Variants in PAGE1 observed in about 807,000 individuals in gnomAD.
PAGE1 encodes the protein P antigen family member 1.
In PAGE1, 6 loss-of-function variants were observed where a neutral mutation model predicts 11.5. The ratio of observed to expected loss-of-function variants is 0.52; its 90% CI spans 0.29 to 1.03. PAGE1 has a LOEUF of 1.03. Ranked by LOEUF, PAGE1 falls within the 50% of genes least tolerant of loss-of-function variation. PAGE1 has a pLI of 0.09. For missense variants in PAGE1, 120 were observed against 110.2 expected, an observed-to-expected ratio of 1.09 and a Z score of -0.40; for synonymous variants, 42 against 40.2, an observed-to-expected ratio of 1.05 and a Z score of -0.17.
In PAGE1 at chrX:49,694,111, A is replaced by C; in HGVS notation, c.154T>G (p.Ser52Ala). ...CCTTTCCCTTCACCTTGAGCTGCAG[A>C]TGCTCCCTCATCCTCTCTCTCTTCA... ...PAEEREDEGA[S>A]AAQGQEPEAD... Residue 52 changes from serine (S) to alanine (A), a missense_variant, in exon 3 of 6, where the codon TCT becomes GCT. Transcript: ENST00000376150. 8.4e-7 allele frequency: 1 copy of C among 1,186,920 alleles called. No individual in the cohort carries two copies. Among genetic ancestry groups the C allele is most frequent in the Non-Finnish European group, 1.1e-6 (1 of 877,844 alleles).
chrX:49,691,463 T>C, intron 3 of PAGE1, 89 bp from the exon 4 acceptor site: 2 of 756,645 alleles, frequency 2.6e-6, no homozygotes, highest in South Asian at 7.8e-5. Flanking sequence ...TCTTATTAAA[T>C]AAAAGCTTTA....
intron 4 of PAGE1, among the ~76,000 whole-genome samples, 179 bp downstream of exon 4, chrX:49,691,070 C>T (rs2066918636): frequency 9.0e-6 from 1 of 110,847 alleles, no homozygotes; most frequent in Non-Finnish European, 1.9e-5. Flanking sequence ...CCTAGCTGCT[C>T]GGGAGGCTGA....
At chrX:49,694,580 T>G in intron 2 of PAGE1, 128 bp downstream of exon 2, 1 of 414,871 alleles carries the variant, frequency 2.4e-6, no homozygotes, top group Non-Finnish European at 4.1e-6. Context: ...TCTTATTTTT[T>G]TAATCAGCAT....
intron 3 of PAGE1, among the ~76,000 whole-genome samples, chrX:49,693,785 C>A (rs112022639): frequency 0.026 from 2,934 of 110,976 alleles, 58 homozygotes; most frequent in African/African-American, 0.07. Context: ...GGTAGGAAGA[C>A]ACAAACTTTG....
chrX:49,687,530 C>T lies in PAGE1; in HGVS notation c.*11G>A, dbSNP rs782744219. On this transcript the variant is annotated 3_prime_UTR_variant, in exon 6 of 6. Coordinates refer to ENST00000376150, the MANE Select transcript of PAGE1 (RefSeq NM_003785.4). Reference sequence around the variant, plus strand: ...ACAGGAGCAGCCTGAACCATTTCAGCGTGTCTTCTTTTAAGGCTGTGATTG... The same window carrying T: ...ACAGGAGCAGCCTGAACCATTTCAGTGTGTCTTCTTTTAAGGCTGTGATTG... The T allele has an allele frequency of 2.5e-6, 3 of 1,202,244 alleles. No homozygotes were observed. The highest frequency in any genetic ancestry group is 3.0e-5 in the East Asian group (1 of 33,590).
In PAGE1 at chrX:49,689,453, A is replaced by G. The variant is rs112206916; in HGVS notation, c.383T>C (p.Leu128Pro). 3,641 of 1,080,006 alleles carry G rather than the reference A, an allele frequency of 3.4e-3. 86 individuals carry two copies. The African/African-American group carries it at 0.068, about 20-fold the overall frequency. The allele number at this position is 1,080,006 out of a possible 1,213,427, so 89.0% of individuals were successfully genotyped here. A position where few individuals can be genotyped will look rare whatever the true frequency, so the allele number is the denominator to read the frequency against. Reference sequence around the variant, plus strand: ...TGTTTTCACCTCCTCTGGATTTGGCAGGCCCAACTCCTGGACATCAGGACC... The same window carrying G: ...TGTTTTCACCTCCTCTGGATTTGGCGGGCCCAACTCCTGGACATCAGGACC... ...GDGPDVQELG[L>P]PNPEEVKTPE... The change falls in exon 5 of 6, where the codon CTG becomes CCG. Residue 128 changes from leucine (L) to proline (P), a missense_variant. Transcript: ENST00000376150.
At chrX:49,690,112 CATAT>C (rs1164264874) in intron 4 of PAGE1, among the ~76,000 whole-genome samples, 2 of 66,170 alleles carry the variant, frequency 3.0e-5, no homozygotes, top group African/African-American at 7.4e-5. Context: ...TATATATACA[CATAT>C]ATATGTGTAT....
At chrX:49,689,159 G>T (rs782252150) in intron 5 of PAGE1, among the ~76,000 whole-genome samples, 1 of 109,439 alleles carries the variant, frequency 9.1e-6, no homozygotes, top group Non-Finnish European at 1.9e-5. Context: ...TATGCAAAAT[G>T]GCAAAACCTC....
intron 2 of PAGE1, among the ~76,000 whole-genome samples, chrX:49,694,441 A>T (rs1557142607): frequency 9.0e-6 from 1 of 111,441 alleles, no homozygotes; most frequent in East Asian, 2.8e-4. Flanking sequence ...TCTATGTTGG[A>T]ATAGATGTGT....
rs191900586 is a variant in PAGE1 at position 49,693,960 on chromosome X, T to C, written c.166+139A>G. 20 of 374,924 alleles carry C rather than the reference T, an allele frequency of 5.3e-5. No homozygotes were observed. In the East Asian group the frequency reaches 9.3e-4, roughly 17 times the overall value. 30.9% of individuals were successfully genotyped at this position (374,924 alleles called of 1,213,427 possible). Reference sequence around the variant, plus strand: ...ATACCCTCTTCACTTTTCCAGTCAATTTCTAGGCATCGTTTGCATGGCTTT... The same window carrying C: ...ATACCCTCTTCACTTTTCCAGTCAACTTCTAGGCATCGTTTGCATGGCTTT... On this transcript the variant is annotated intron_variant, in intron 3 of 5. Coordinates refer to ENST00000376150, the MANE Select transcript of PAGE1 (RefSeq NM_003785.4).
At position 49,689,796 on chromosome X, in the gene PAGE1, GTA is replaced by G. The variant is rs782621494; in HGVS notation, c.293-255_293-254del. ...TGTGTATATATACACACATATATAT[GTA>G]TATATATGTGTATATACACACATAT... On this transcript the variant is annotated intron_variant, in intron 4 of 5. Transcript: ENST00000376150. Among the ~76,000 whole-genome samples, 61 of 58,149 alleles carry G rather than the reference GTA, an allele frequency of 1.0e-3. 2 individuals are homozygous for G. The highest frequency in any genetic ancestry group is 1.3e-3 in the Non-Finnish European group (45 of 34,793). 50.5% of individuals were successfully genotyped at this position (58,149 alleles called of 115,157 possible).
At chrX:49,693,748 A>G (rs1432978346) in intron 3 of PAGE1, among the ~76,000 whole-genome samples, 1 of 111,151 alleles carries the variant, frequency 9.0e-6, no homozygotes, top group Admixed American at 9.7e-5. Flanking sequence ...CAGCAAAATC[A>G]TTTACTATTG....
intron 5 of PAGE1, 21 bp downstream of exon 5, chrX:49,689,397 C>T (rs2066895283): frequency 1.9e-6 from 2 of 1,065,709 alleles, no homozygotes; most frequent in African/African-American, 2.1e-5. Context: ...CTACAATTTG[C>T]ATGCCTAATG....
At chrX:49,689,578 ATAT>A (rs2066899022) in intron 4 of PAGE1, 35 bp from the exon 5 acceptor site, 9 of 20,791 alleles carry the variant, frequency 4.3e-4, no homozygotes, top group Non-Finnish European at 5.3e-4. Flanking sequence ...AAAAAAAAAT[ATAT>A]ATATATATAT....
At chrX:49,687,612 T>C (rs1374627246) in intron 5 of PAGE1, 49 bp from the exon 6 acceptor site, 5 of 1,119,283 alleles carry the variant, frequency 4.5e-6, no homozygotes, top group Non-Finnish European at 6.1e-6. Context: ...AGCAGATTAT[T>C]TAGATGACCC....
At chrX:49,694,062 ACACC>A (rs1248282712) in intron 3 of PAGE1, 33 bp downstream of exon 3, 4 of 798,440 alleles carry the variant, frequency 5.0e-6, no homozygotes, top group Middle Eastern at 3.3e-4. Context: ...ACACACACAC[ACACC>A]CCAACAGGCA....
intron 1 of PAGE1, among the ~76,000 whole-genome samples, chrX:49,695,341 T>C (rs1557142732): frequency 8.9e-6 from 1 of 111,846 alleles, no homozygotes. Flanking sequence ...TCCTTCCCAT[T>C]GTTTCCGGAC....
rs188484044 is a variant in PAGE1 at position 49,694,958 on chromosome X, A to C, written c.-8-180T>G. Among the ~76,000 whole-genome samples the C allele has an allele frequency of 9.5e-4, 107 of 112,593 alleles. 2 individuals carry two copies. The highest frequency in any genetic ancestry group is 9.3e-3 in the Admixed American group (99 of 10,621). On this transcript the variant is annotated intron_variant, in intron 1 of 5. Coordinates refer to ENST00000376150, the MANE Select transcript of PAGE1 (RefSeq NM_003785.4). ...CTTGCAAAGCCACTTATGCTCCCCA[A>C]GCTGGCAGAGTAGTCATCTTAAGGC...
intron 1 of PAGE1, among the ~76,000 whole-genome samples, chrX:49,695,595 C>G (rs372533630): frequency 8.9e-6 from 1 of 112,085 alleles, no homozygotes; most frequent in Non-Finnish European, 1.9e-5. Flanking sequence ...ACAGCACCCG[C>G]AGCACTCGCC....
Sources: allele counts gnomAD v4.1 joint callset (sites outside exome capture counted in the v4.1 genomes callset), GRCh38; gene constraint gnomAD v4.1.1; transcripts MANE v1.5; gene names NCBI Gene and HGNC (gene_info 2026-07-23, HGNC 2026-07-21).